The following TBL1X variants were observed in gnomAD, a reference collection of about 807,000 sequenced individuals.
TBL1X encodes F-box-like/WD repeat-containing protein TBL1X.
A neutral mutation model predicts 50.7 loss-of-function variants in TBL1X; 10 were observed. That is an observed-to-expected ratio of 0.20 (90% CI 0.12 to 0.33). The LOEUF is 0.33. Ranked by LOEUF, TBL1X falls within the 10% of genes least tolerant of loss-of-function variation. TBL1X has a pLI of 1.00. For missense variants in TBL1X, 340 were observed against 504.4 expected (o/e 0.67, Z 3.12); for synonymous variants, 190 against 214.7 (o/e 0.88, Z 1.01).
At chrX:9,558,907 A>G (rs966738619) in intron 2 of TBL1X, among the ~76,000 whole-genome samples, 10 of 111,960 alleles carry the variant, frequency 8.9e-5, no homozygotes, top group African/African-American at 2.9e-4. Flanking sequence ...GGTGTTGTAC[A>G]GTTATCTCAT....
intron 3 of TBL1X, among the ~76,000 whole-genome samples, chrX:9,642,898 A>C (rs973864768): frequency 2.0e-4 from 22 of 112,518 alleles, no homozygotes; most frequent in African/African-American, 6.1e-4. Context: ...ACCTAGAGGA[A>C]CACAACTGTT....
At chrX:9,647,217 A>G (rs1189047538) in intron 3 of TBL1X, among the ~76,000 whole-genome samples, 4 of 111,775 alleles carry the variant, frequency 3.6e-5, no homozygotes, top group Non-Finnish European at 5.6e-5. Context: ...AAAAAATACT[A>G]TAAATAATCT....
intron 2 of TBL1X, among the ~76,000 whole-genome samples, chrX:9,608,230 C>A (rs758340662): frequency 3.6e-5 from 4 of 111,329 alleles, no homozygotes; most frequent in Non-Finnish European, 5.7e-5. Context: ...TAGGTACTGT[C>A]AACCTGACTC....
intron 5 of TBL1X, among the ~76,000 whole-genome samples, chrX:9,679,058 C>T (rs920859867): frequency 9.2e-6 from 1 of 108,595 alleles, no homozygotes; most frequent in Non-Finnish European, 1.9e-5. Flanking sequence ...AATAATTTTA[C>T]CTCATCTGGT....
chrX:9,688,288 G>C lies in TBL1X; in HGVS notation c.616+13G>C, dbSNP rs770937382. 1.8e-6 allele frequency: 2 copies of C among 1,138,609 alleles called. No individual in the cohort carries two copies. The highest frequency in any genetic ancestry group is 2.3e-6 in the Non-Finnish European group (2 of 855,487). 93.8% of individuals were successfully genotyped at this position (1,138,609 alleles called of 1,213,427 possible). ...GCACATTCAGTCAGTGAGTGCAGGGGCTCTGGGAGTTCGGTGGGCCTCTCT... is the reference window on the plus strand; with the variant it reads ...GCACATTCAGTCAGTGAGTGCAGGGCCTCTGGGAGTTCGGTGGGCCTCTCT... On this transcript the variant is annotated intron_variant, in intron 7 of 17. Transcript: ENST00000645353.
chrX:9,709,494 C>A, intron 14 of TBL1X, 139 bp from the exon 15 acceptor site: 1 of 1,014,536 alleles, frequency 9.9e-7, no homozygotes, highest in Non-Finnish European at 1.3e-6. Flanking sequence ...AGAATCGCAG[C>A]CTCCCTGCAG....
chrX:9,608,863 G>A (rs978412894), intron 2 of TBL1X, among the ~76,000 whole-genome samples: 1 of 112,293 alleles, frequency 8.9e-6, no homozygotes, highest in Non-Finnish European at 1.9e-5. Context: ...TCAGGGAGCA[G>A]CTGCCCGCCT....
chrX:9,515,720 A>G (rs2082078250), intron 2 of TBL1X, among the ~76,000 whole-genome samples: 1 of 112,198 alleles, frequency 8.9e-6, no homozygotes, highest in East Asian at 2.8e-4. Flanking sequence ...ATGATAAGAC[A>G]GAATTTATTT....
upstream of TBL1X, among the ~76,000 whole-genome samples, chrX:9,464,816 A>G (rs2081758608): frequency 2.7e-5 from 3 of 109,422 alleles, no homozygotes; most frequent in Admixed American, 2.8e-4. Context: ...CGGGCTTGGT[A>G]GGGACGCTGG....
chrX:9,667,829 C>A (rs1006606031), intron 5 of TBL1X, among the ~76,000 whole-genome samples: 1 of 111,555 alleles, frequency 9.0e-6, no homozygotes, highest in African/African-American at 3.3e-5. Flanking sequence ...TTTGAGTTAT[C>A]ATTTTGGCTA....
In TBL1X at chrX:9,705,252, G is replaced by A. The variant is rs980053319; in HGVS notation, c.1236+138G>A. On this transcript the variant is annotated intron_variant, in intron 13 of 17. Coordinates refer to ENST00000645353, the MANE Select transcript of TBL1X (RefSeq NM_005647.4). ...CCCCTTGGCTATTTGAGCTGTCATGGTTACCCCATGGTAACCATGGTGGTT... is the reference window on the plus strand; with the variant it reads ...CCCCTTGGCTATTTGAGCTGTCATGATTACCCCATGGTAACCATGGTGGTT... 1.3e-5 allele frequency: 14 copies of A among 1,049,149 alleles called. No homozygotes were observed. In the African/African-American group the frequency reaches 2.4e-4, roughly 18 times the overall value. 86.5% of individuals were successfully genotyped at this position (1,049,149 alleles called of 1,213,427 possible). A position where few individuals can be genotyped will look rare whatever the true frequency, so the allele number is the denominator to read the frequency against.
chrX:9,508,364 A>C (rs954939434), intron 2 of TBL1X, among the ~76,000 whole-genome samples: 1 of 112,756 alleles, frequency 8.9e-6, no homozygotes, highest in Non-Finnish European at 1.9e-5. Context: ...TCATCAGAGA[A>C]ATGCAAATCA....
chrX:9,489,888 G>A (rs1361855311), intron 1 of TBL1X, among the ~76,000 whole-genome samples: 1 of 111,782 alleles, frequency 8.9e-6, no homozygotes, highest in East Asian at 2.8e-4. Flanking sequence ...CTGTGGAAGA[G>A]ACTGTGGATA....
intron 2 of TBL1X, 33 bp downstream of exon 2, chrX:9,501,882 C>T (rs754573846): frequency 9.0e-6 from 1 of 111,018 alleles, no homozygotes; most frequent in African/African-American, 3.3e-5. Flanking sequence ...CTTCTTGCCT[C>T]GTTGGAAATT....
At position 9,627,886 on chromosome X, in the gene TBL1X, G is replaced by A. The variant is rs2082700508; in HGVS notation, c.-130-12387G>A. Among the ~76,000 whole-genome samples the A allele has an allele frequency of 2.7e-5, 3 of 112,070 alleles. No homozygotes were observed. The South Asian group carries it at 1.1e-3, about 42-fold the overall frequency. Reference sequence around the variant, plus strand: ...TTTATCTACAAAATGAGAATAAACAGGGCTGATGTGATGGTTCAGTTATAT... The same window carrying A: ...TTTATCTACAAAATGAGAATAAACAAGGCTGATGTGATGGTTCAGTTATAT... On this transcript the variant is annotated intron_variant, in intron 2 of 17. Coordinates refer to ENST00000645353, the MANE Select transcript of TBL1X (RefSeq NM_005647.4).
chrX:9,576,710 A>AAC (rs1555896384), intron 2 of TBL1X, among the ~76,000 whole-genome samples: 57 of 108,024 alleles, frequency 5.3e-4, no homozygotes, highest in African/African-American at 1.9e-3. Flanking sequence ...AAAAAAAAAA[A>AAC]AAAAAACATC....
chrX:9,530,792 C>T (rs1273996575), intron 2 of TBL1X, among the ~76,000 whole-genome samples: 1 of 111,774 alleles, frequency 8.9e-6, no homozygotes, highest in African/African-American at 3.3e-5. Context: ...GATTTTTTCC[C>T]GAGAATACAT....
At chrX:9,619,585 A>G (rs759035036) in intron 2 of TBL1X, among the ~76,000 whole-genome samples, 4 of 112,265 alleles carry the variant, frequency 3.6e-5, no homozygotes, top group East Asian at 5.6e-4. Flanking sequence ...CATACATTCA[A>G]TGTTATTTTC....
intron 1 of TBL1X, among the ~76,000 whole-genome samples, chrX:9,486,423 G>A (rs775549520): frequency 7.3e-5 from 8 of 109,635 alleles, no homozygotes; most frequent in Non-Finnish European, 1.5e-4. Flanking sequence ...TTGTAAAGAC[G>A]GTGTTTTGCC....
Sources: allele counts gnomAD v4.1 joint callset (sites outside exome capture counted in the v4.1 genomes callset), GRCh38; gene constraint gnomAD v4.1.1; transcripts MANE v1.5; gene names NCBI Gene and HGNC (gene_info 2026-07-23, HGNC 2026-07-21).